Variants in FBLN5 observed in about 807,000 individuals in gnomAD.
FBLN5 encodes the protein fibulin-5.
A neutral mutation model predicts 61.6 loss-of-function variants in FBLN5; 24 were observed. The observed-to-expected ratio is 0.39, with a 90% CI of 0.28 to 0.55. The LOEUF is 0.55. Ranked by LOEUF, FBLN5 falls within the 20% of genes least tolerant of loss-of-function variation. The probability of loss-of-function intolerance (pLI) is 0.65; values close to 1 mark genes in which losing one functional copy is unlikely to be tolerated. For synonymous variants in FBLN5, 213 were observed against 219.8 expected, an observed-to-expected ratio of 0.97 and a Z score of 0.27; for missense variants, 470 against 594.1, an observed-to-expected ratio of 0.79 and a Z score of 2.17.
intron 4 of FBLN5, among the ~76,000 whole-genome samples, chr14:91,933,818 AAAG>A (rs928872992): frequency 3.3e-5 from 5 of 152,156 alleles, no homozygotes; most frequent in African/African-American, 4.8e-5. Context: ...TATGAAAAAA[AAAG>A]AGAGATAGCT....
rs111586099 is a variant in FBLN5 at position 91,917,597 on chromosome 14, A to G, written c.379+19350T>C. On this transcript the variant is annotated intron_variant, in intron 4 of 10. Coordinates refer to ENST00000342058, the MANE Select transcript of FBLN5 (RefSeq NM_006329.4). ...TCTCAAAAAAAAAAAAAAAAAAAAA[A>G]AAAGAAAGAAAGAAAAAACAAAATA... Among the ~76,000 whole-genome samples the G allele has an allele frequency of 2.2e-3, 335 of 150,176 alleles. 3 individuals carry two copies. In the South Asian group the frequency reaches 0.025, roughly 11 times the overall value.
Position 91,870,100 on chromosome 14 carries a change from T to C in FBLN5, c.*124A>G. 1 of 1,059,130 alleles carries C rather than the reference T, an allele frequency of 9.4e-7. No homozygotes were observed. Among genetic ancestry groups the C allele is most frequent in the South Asian group, 1.3e-5 (1 of 75,388 alleles). 65.6% of individuals were successfully genotyped at this position (1,059,130 alleles called of 1,614,324 possible). ...AGAGTCAGGAAGTCGGGGCTGACTC[T>C]TCGGGGAAACGTTCAGCAGGAAATG... On this transcript the variant is annotated 3_prime_UTR_variant, in exon 11 of 11. Coordinates refer to ENST00000342058, the MANE Select transcript of FBLN5 (RefSeq NM_006329.4).
At chr14:91,893,459 T>G (rs999412474) in intron 5 of FBLN5, among the ~76,000 whole-genome samples, 2 of 152,202 alleles carry the variant, frequency 1.3e-5, no homozygotes, top group African/African-American at 2.4e-5. Context: ...AGGGCAGACC[T>G]ACTCAGCCTC....
intron 1 of FBLN5, among the ~76,000 whole-genome samples, chr14:91,944,297 A>C (rs1431986442): frequency 6.6e-6 from 1 of 152,246 alleles, no homozygotes; most frequent in Non-Finnish European, 1.5e-5. Flanking sequence ...GCTATTAAAA[A>C]ATGGAAAAGA....
chr14:91,936,908 A>G (rs2056024875), intron 4 of FBLN5, 39 bp downstream of exon 4: 2 of 1,613,738 alleles, frequency 1.2e-6, no homozygotes, highest in East Asian at 2.2e-5. Context: ...TGTCTTCACC[A>G]AAGCACAGCG....
chr14:91,930,873 A>C (rs943881283), intron 4 of FBLN5, among the ~76,000 whole-genome samples: 4 of 152,160 alleles, frequency 2.6e-5, no homozygotes, highest in African/African-American at 7.2e-5. Context: ...TGCAAGGTAA[A>C]TGTGTACTAG....
chr14:91,946,837 C>A, intron 1 of FBLN5: 1 of 1,525,132 alleles, frequency 6.6e-7, no homozygotes, highest in Non-Finnish European at 8.8e-7. Flanking sequence ...TCAGCCGATG[C>A]GGCGCAGTAA....
At chr14:91,891,138 C>T in intron 6 of FBLN5, 83 bp downstream of exon 6, 1 of 830,646 alleles carries the variant, frequency 1.2e-6, no homozygotes, top group Non-Finnish European at 2.1e-6. Context: ...GCAGTATTTC[C>T]CACAAACATA....
intron 4 of FBLN5, among the ~76,000 whole-genome samples, chr14:91,900,868 G>A (rs757855533): frequency 2.6e-5 from 4 of 152,208 alleles, no homozygotes; most frequent in Non-Finnish European, 5.9e-5. Flanking sequence ...TCTGCCTCCT[G>A]CAGATGCTGT....
chr14:91,930,788 A>T (rs1485804448), intron 4 of FBLN5, among the ~76,000 whole-genome samples: 1 of 152,114 alleles, frequency 6.6e-6, no homozygotes, highest in African/African-American at 2.4e-5. Context: ...AAATAATCCC[A>T]GGTTCTGCTG....
At chr14:91,896,173 A>T (rs1212685958) in intron 4 of FBLN5, among the ~76,000 whole-genome samples, 2 of 152,148 alleles carry the variant, frequency 1.3e-5, no homozygotes, top group Non-Finnish European at 2.9e-5. Flanking sequence ...CCTGCACTGC[A>T]CTTTAGGGGA....
rs945526105 is a variant in FBLN5, at chr14:91,943,218, A to C, written c.18-257T>G. Among the ~76,000 whole-genome samples, 4 of 152,146 alleles carry C rather than the reference A, an allele frequency of 2.6e-5. No homozygotes were observed. The highest frequency in any genetic ancestry group is 2.0e-4 in the Admixed American group (3 of 15,274). ...TAAAGGGTTTGGCTGCTTCAAAAAA[A>C]AAAGCTAAGGTCAGGTGCGGTGGCT... On this transcript the variant is annotated intron_variant, in intron 1 of 10. Transcript: ENST00000342058. The surrounding 1 kb of genome is among the most constrained non-coding windows in gnomAD (Gnocchi z 4.0).
At chr14:91,936,686 T>C (rs1431283608) in intron 4 of FBLN5, among the ~76,000 whole-genome samples, 1 of 152,108 alleles carries the variant, frequency 6.6e-6, no homozygotes, top group Non-Finnish European at 1.5e-5. Flanking sequence ...TACAGATAGG[T>C]AGGTAGATAG....
chr14:91,898,218 G>T (rs184932497), intron 4 of FBLN5, among the ~76,000 whole-genome samples: 14 of 152,020 alleles, frequency 9.2e-5, no homozygotes, highest in South Asian at 8.3e-4. Context: ...TGGCGGGGGG[G>T]GCGGAATCTC....
At chr14:91,918,991 A>T (rs1384206457) in intron 4 of FBLN5, among the ~76,000 whole-genome samples, 1 of 152,180 alleles carries the variant, frequency 6.6e-6, no homozygotes. Flanking sequence ...AAGATCTAAG[A>T]AGGCCTCTGG....
chr14:91,937,105 G>C lies in FBLN5; in HGVS notation c.221C>G (p.Pro74Arg), dbSNP rs1325050091. 4 of 1,613,950 alleles carry C rather than the reference G, an allele frequency of 2.5e-6. No individual in the cohort carries two copies. The African/African-American group carries it at 5.3e-5, about 22-fold the overall frequency. ...GTTCGAGTAGGGCCCTCGATACACA[G>C]GGTTTGTCCGGGGAATGCATAAATA... ...GGYLCIPRTN[P>R]VYRGPYSNPY... Residue 74 changes from proline to arginine, a missense_variant, in exon 4 of 11, where the codon CCT becomes CGT. By Grantham distance (103) the Pro-to-Arg change is moderately radical. Coordinates refer to ENST00000342058, the MANE Select transcript of FBLN5 (RefSeq NM_006329.4).
intron 3 of FBLN5, chr14:91,940,080 G>C (rs1453490002): frequency 1.2e-5 from 5 of 402,428 alleles, no homozygotes; most frequent in Admixed American, 3.2e-5. Context: ...GCCCTCCACT[G>C]ACAGTCAGCA....
chr14:91,947,163 G>GAC lies in FBLN5; in HGVS notation c.17+49_17+50insGT. On this transcript the variant is annotated intron_variant, in intron 1 of 10. Coordinates refer to ENST00000342058, the MANE Select transcript of FBLN5 (RefSeq NM_006329.4). This position sits in a 1 kb window ranked among gnomAD's most constrained non-coding sequence, Gnocchi z 4.3. ...CCATTTTCCACCCATCGGATTTTTAGCAAGGCTTCCAGACCCTGGAGAAAG... is the reference window on the plus strand; with the variant it reads ...CCATTTTCCACCCATCGGATTTTTAGACCAAGGCTTCCAGACCCTGGAGAAAG... The GAC allele has an allele frequency of 6.2e-7, 1 of 1,613,328 alleles. No individual in the cohort carries two copies. The highest frequency in any genetic ancestry group is 8.5e-7 in the Non-Finnish European group (1 of 1,179,306).
Position 91,947,534 on chromosome 14 carries a change from A to C in FBLN5, c.-305T>G. 1 of 513,466 alleles carries C rather than the reference A, an allele frequency of 1.9e-6. No individual in the cohort carries two copies. The highest frequency in any genetic ancestry group is 3.5e-6 in the Non-Finnish European group (1 of 283,684). 31.8% of individuals were successfully genotyped at this position (513,466 alleles called of 1,614,324 possible). ...TTTCTAAGTATGTTAAACAATGCAAATGGGGCCTCAGTCTGGACACAGCTG... is the reference window on the plus strand; with the variant it reads ...TTTCTAAGTATGTTAAACAATGCAACTGGGGCCTCAGTCTGGACACAGCTG... On this transcript the variant is annotated 5_prime_UTR_variant, in exon 1 of 11. Coordinates refer to ENST00000342058, the MANE Select transcript of FBLN5 (RefSeq NM_006329.4). This position sits in a 1 kb window ranked among gnomAD's most constrained non-coding sequence, Gnocchi z 4.3.
Sources: allele counts gnomAD v4.1 joint callset (sites outside exome capture counted in the v4.1 genomes callset), GRCh38; gene constraint gnomAD v4.1.1; non-coding constraint Gnocchi (gnomAD v3.1); transcripts MANE v1.5; gene names NCBI Gene and HGNC (gene_info 2026-07-23, HGNC 2026-07-21).